The following AANAT variants were observed in gnomAD, a reference collection of about 807,000 sequenced individuals.
AANAT encodes the protein aralkylamine N-acetyltransferase.
In AANAT, 11 loss-of-function variants were observed where a neutral mutation model predicts 15.6. The ratio of observed to expected loss-of-function variants is 0.71; its 90% CI spans 0.44 to 1.17. The LOEUF is 1.17. Ranked by LOEUF, AANAT falls within the 50% of genes most tolerant of loss-of-function variation. The pLI is 0.00. For missense variants in AANAT, 286 were observed against 296.3 expected (o/e 0.97, Z 0.26); for synonymous variants, 139 against 131.5 (o/e 1.06, Z -0.39).
At chr17:76,457,624 T>C (rs2073353151) in intron 1 of AANAT, among the ~76,000 whole-genome samples, 1 of 152,188 alleles carries the variant, frequency 6.6e-6, no homozygotes, top group Non-Finnish European at 1.5e-5. Flanking sequence ...ACTCCTTGAT[T>C]TTACATGCTG....
At chr17:76,459,651 T>C (rs996632630) in intron 2 of AANAT, among the ~76,000 whole-genome samples, 2 of 152,170 alleles carry the variant, frequency 1.3e-5, no homozygotes, top group African/African-American at 4.8e-5. Flanking sequence ...GGGACCTGGG[T>C]TTGAAGCTTG....
chr17:76,466,591 C>T (rs1182532953), upstream of AANAT, among the ~76,000 whole-genome samples: 2 of 151,978 alleles, frequency 1.3e-5, no homozygotes, highest in African/African-American at 4.8e-5. Context: ...GAGTGGGTCC[C>T]ACCAGTGCAG....
At chr17:76,454,475 ACT>A (rs1335289285) in intron 1 of AANAT, among the ~76,000 whole-genome samples, 2 of 151,560 alleles carry the variant, frequency 1.3e-5, no homozygotes, top group Non-Finnish European at 2.9e-5. Context: ...ACAGAGCAAG[ACT>A]CTGTCTCAAA....
chr17:76,470,087 A>G lies in AANAT; in HGVS notation c.*117A>G, dbSNP rs2073510293. 1 of 1,167,020 alleles carries G rather than the reference A, an allele frequency of 8.6e-7. No homozygotes were observed. Among genetic ancestry groups the G allele is most frequent in the Admixed American group, 3.3e-5 (1 of 30,002 alleles). The allele number at this position is 1,167,020 out of a possible 1,614,324, so 72.3% of individuals were successfully genotyped here. A position where few individuals can be genotyped will look rare whatever the true frequency, so the allele number is the denominator to read the frequency against. ...GAGTGGAGAGAGCAGGGCTAAATAA[A>G]GAGGAGATAAGGTGGCTTCTCACGG... On this transcript the variant is annotated 3_prime_UTR_variant, in exon 4 of 4. Coordinates refer to ENST00000392492, the MANE Select transcript of AANAT (RefSeq NM_001088.3).
At chr17:76,456,653 G>C (rs1019978047) in intron 1 of AANAT, among the ~76,000 whole-genome samples, 13 of 152,102 alleles carry the variant, frequency 8.5e-5, no homozygotes, top group Admixed American at 4.6e-4. Context: ...GTAGAGACCT[G>C]GGAGATTAAA....
In AANAT at chr17:76,469,383, G is replaced by A; in HGVS notation, c.318+56G>A. ...GGGAGGCCTCTGAAGACAGAGGTCAGCCAGATGGCGGGGAGGGGAGCCCAG... is the reference window on the plus strand; with the variant it reads ...GGGAGGCCTCTGAAGACAGAGGTCAACCAGATGGCGGGGAGGGGAGCCCAG... On this transcript the variant is annotated intron_variant, in intron 3 of 3. Transcript: ENST00000392492. This position sits in a 1 kb window ranked among gnomAD's most constrained non-coding sequence, Gnocchi z 5.2. The A allele has an allele frequency of 6.2e-7, 1 of 1,603,596 alleles. No homozygotes were observed.
chr17:76,460,590 C>T (rs905899000), intron 2 of AANAT, among the ~76,000 whole-genome samples: 11 of 152,232 alleles, frequency 7.2e-5, no homozygotes, highest in South Asian at 2.1e-4. Flanking sequence ...CATGAGCCAC[C>T]GTGCCCAGCC....
At chr17:76,461,273 T>C (rs920810246) in intron 2 of AANAT, among the ~76,000 whole-genome samples, 5 of 152,056 alleles carry the variant, frequency 3.3e-5, no homozygotes, top group African/African-American at 1.2e-4. Flanking sequence ...GCCTCTGTTT[T>C]CCAGGAGTGC....
rs527548407 is a variant in AANAT at position 76,469,900 on chromosome 17, C to T, written c.554C>T (p.Ser185Phe). 9 of 1,573,086 alleles carry T rather than the reference C, an allele frequency of 5.7e-6. No individual in the cohort carries two copies. In the South Asian group the frequency reaches 1.0e-4, roughly 18 times the overall value. The change falls in exon 4 of 4, where the codon TCC (serine) becomes TTC (phenylalanine). Residue 185 changes from serine to phenylalanine, a missense_variant. Coordinates refer to ENST00000392492, the MANE Select transcript of AANAT (RefSeq NM_001088.3). This position sits in a 1 kb window ranked among gnomAD's most constrained non-coding sequence, Gnocchi z 5.2. ...AVGPCAITVG[S>F]LTFMELHCSL... ...GGCCCCTGCGCCATCACCGTGGGCT[C>T]CCTCACCTTCATGGAGCTCCACTGC...
intron 1 of AANAT, among the ~76,000 whole-genome samples, chr17:76,454,590 GGATCACCT>G (rs1318521612): frequency 1.3e-5 from 2 of 151,736 alleles, no homozygotes; most frequent in African/African-American, 4.8e-5. Flanking sequence ...AGAAGCAGAT[GGATCACCT>G]GATCACCTGA....
At chr17:76,455,805 G>C (rs2073337981) in intron 1 of AANAT, among the ~76,000 whole-genome samples, 1 of 152,058 alleles carries the variant, frequency 6.6e-6, no homozygotes. Flanking sequence ...TTTGAAGTCA[G>C]GAGTTCAAGA....
In AANAT at chr17:76,469,432, A is replaced by G; in HGVS notation, c.318+105A>G. On this transcript the variant is annotated intron_variant, in intron 3 of 3. Transcript: ENST00000392492. The surrounding 1 kb of genome is among the most constrained non-coding windows in gnomAD (Gnocchi z 5.2). ...AGGGGCTGGGATTTCTTCCTCCAGA[A>G]CTGGAGAGATGAGTACAGGCCACAG... The G allele has an allele frequency of 6.7e-7, 1 of 1,494,324 alleles. No homozygotes were observed. The highest frequency in any genetic ancestry group is 2.3e-5 in the East Asian group (1 of 44,314). 92.6% of individuals were successfully genotyped at this position (1,494,324 alleles called of 1,614,324 possible). A position where few individuals can be genotyped will look rare whatever the true frequency, so the allele number is the denominator to read the frequency against.
upstream of AANAT, chr17:76,466,352 A>G: frequency 6.7e-6 from 3 of 447,848 alleles, no homozygotes; most frequent in South Asian, 2.1e-5. Context: ...TGGGCCTCAG[A>G]GTGCAGAGGG....
upstream of AANAT, chr17:76,467,406 C>G (rs1367071711): frequency 8.7e-6 from 3 of 344,204 alleles, no homozygotes; most frequent in Admixed American, 1.9e-4. Flanking sequence ...TAGCCCCACG[C>G]TCTCTTCCCC....
upstream of AANAT, among the ~76,000 whole-genome samples, chr17:76,466,384 G>A (rs1009308368): frequency 2.7e-5 from 4 of 148,246 alleles, no homozygotes; most frequent in African/African-American, 9.8e-5. Context: ...AGGGGACCCA[G>A]AGACAGGAGG....
chr17:76,453,381 T>A (rs1457354194), exon 1 of AANAT: 3 of 314,530 alleles, frequency 9.5e-6, no homozygotes, highest in African/African-American at 4.6e-5. Flanking sequence ...GCGAGACCAG[T>A]GAGGATTCAA....
rs1390808024 is a variant in AANAT, at chr17:76,468,776, A to T, written c.30A>T (p.Lys10Asn). ...CCACGCAGAGCACCCACCCCCTGAA[A>T]CCTGAGGCCCCACGTCTGCCACCTG... MSTQSTHPL[K>N]PEAPRLPPGI... The change falls in exon 2 of 4, where the codon AAA becomes AAT. Residue 10 changes from lysine (K) to asparagine (N), a missense_variant. Transcript: ENST00000392492. The T allele has an allele frequency of 6.2e-7, 1 of 1,612,736 alleles. No homozygotes were observed. The highest frequency in any genetic ancestry group is 8.5e-7 in the Non-Finnish European group (1 of 1,179,742).
At position 76,455,180 on chromosome 17, in the gene AANAT, C is replaced by T. The variant is rs151207723; in HGVS notation, c.-576+1398C>T. Reference sequence around the variant, plus strand: ...GTGGCTCACGCCTGAAATCCCAACACTTTGACTGCGCCTGAAATCCCAACA... The same window carrying T: ...GTGGCTCACGCCTGAAATCCCAACATTTTGACTGCGCCTGAAATCCCAACA... On this transcript the variant is annotated intron_variant, in intron 1 of 6. Coordinates refer to the AANAT transcript ENST00000250615. Among the ~76,000 whole-genome samples the T allele has an allele frequency of 5.6e-3, 857 of 152,128 alleles. 6 individuals carry two copies. The highest frequency in any genetic ancestry group is 0.02 in the Middle Eastern group (6 of 294).
In AANAT at chr17:76,469,238, T is replaced by C. The variant is rs1017547104; in HGVS notation, c.229T>C (p.Cys77Arg). ...LDEIRHFLTLCPELSLGWFEE... is the reference protein window; with the variant it reads ...LDEIRHFLTLRPELSLGWFEE... ...TGAGATCCGGCACTTCCTGACCCTA[T>C]GTCCAGAGCTGTCCCTGGGCTGGTT... is the stretch of plus-strand genomic sequence containing the variant. Residue 77 changes from cysteine to arginine, a missense_variant, in exon 3 of 4, where the codon TGT becomes CGT. Transcript: ENST00000392492. The surrounding 1 kb of genome is among the most constrained non-coding windows in gnomAD (Gnocchi z 5.2). The C allele has an allele frequency of 1.2e-6, 2 of 1,614,208 alleles. No individual in the cohort carries two copies. The highest frequency in any genetic ancestry group is 3.3e-5 in the Admixed American group (2 of 60,032).
Sources: allele counts gnomAD v4.1 joint callset (sites outside exome capture counted in the v4.1 genomes callset), GRCh38; gene constraint gnomAD v4.1.1; non-coding constraint Gnocchi (gnomAD v3.1); transcripts MANE v1.5; gene names NCBI Gene and HGNC (gene_info 2026-07-23, HGNC 2026-07-21).